Variants in CYP3A5 observed in about 807,000 individuals in gnomAD.
CYP3A5 encodes the protein cytochrome P450 3A5.
Under a neutral mutation model 55.9 loss-of-function variants are expected in CYP3A5, and 51 were observed. That is an observed-to-expected ratio of 0.91 (90% CI 0.73 to 1.15). The LOEUF is 1.15. Ranked by LOEUF, CYP3A5 falls within the 50% of genes most tolerant of loss-of-function variation. The probability of loss-of-function intolerance (pLI) is 0.00; values close to 1 mark genes in which losing one functional copy is unlikely to be tolerated. For synonymous variants in CYP3A5, 196 were observed against 213.9 expected (o/e 0.92, Z 0.73); for missense variants, 533 against 596.6 (o/e 0.89, Z 1.11).
chr7:99,659,855 G>GGCGTAGGACCCTCCGAGCCAT (rs1375193586), intron 10 of CYP3A5: 11 of 152,756 alleles, frequency 7.2e-5, no homozygotes, highest in African/African-American at 2.4e-4. Context: ...AGGCTCCATG[G>GGCGTAGGACCCTCCGAGCCAT]GCGTAGGACC....
rs112433593 is a variant in CYP3A5 at position 99,679,775 on chromosome 7, T to G, written c.71+51A>C. 58 of 1,575,828 alleles carry G rather than the reference T, an allele frequency of 3.7e-5. No individual in the cohort carries two copies. The African/African-American group carries it at 4.5e-4, about 12-fold the overall frequency. On this transcript the variant is annotated intron_variant, in intron 1 of 12. Transcript: ENST00000222982. The stretch of plus-strand genomic sequence containing the variant: ...ACAGATAAGGGAAAAGGGGCCCGAT[T>G]AGCACCCCAAGTCCAAGGAAACAAA...
rs1810516131 is a variant in CYP3A5 at position 99,662,168 on chromosome 7, C to T, written c.865+648G>A. Reference sequence around the variant, plus strand: ...GTCTGCTGAGTCCTGCTCTCTAGAACCAATTGTTAAATATTCAAAAATTTT... The same window carrying T: ...GTCTGCTGAGTCCTGCTCTCTAGAATCAATTGTTAAATATTCAAAAATTTT... On this transcript the variant is annotated intron_variant, in intron 9 of 12. Transcript: ENST00000222982. This position sits in a 1 kb window ranked among gnomAD's most constrained non-coding sequence, Gnocchi z 4.3. Among the ~76,000 whole-genome samples, 1 of 152,170 alleles carries T rather than the reference C, an allele frequency of 6.6e-6. No homozygotes were observed. Among genetic ancestry groups the T allele is most frequent in the African/African-American group, 2.4e-5 (1 of 41,424 alleles).
intron 10 of CYP3A5, chr7:99,659,314 G>A (rs1020702550): frequency 6.5e-6 from 1 of 152,942 alleles, no homozygotes; most frequent in Non-Finnish European, 1.5e-5. Flanking sequence ...CTCAGCTGCA[G>A]GTCTGTTGGA....
At chr7:99,668,152 A>C (rs1177704949) in intron 4 of CYP3A5, among the ~76,000 whole-genome samples, 1 of 152,254 alleles carries the variant, frequency 6.6e-6, no homozygotes, top group Non-Finnish European at 1.5e-5. Context: ...TCAATATCTG[A>C]AAATACAAGA....
rs769254078 is a variant in CYP3A5 at position 99,648,395 on chromosome 7, G to C, written c.1419C>G (p.Pro473=). Residue 473 remains proline (P), a synonymous_variant, in exon 13 of 13, where the codon CCC becomes CCG. Transcript: ENST00000222982. The part of the protein sequence containing the change: ...SFKPCKETQI[P]LKLDTQGLLQ... ...GAAGTCCTTGCGTGTCTAATTTCAA[G>C]GGGATCTACAATAGTTAAACAAGCA... 6.2e-7 allele frequency: 1 copy of C among 1,611,054 alleles called. No homozygotes were observed. The highest frequency in any genetic ancestry group is 1.1e-5 in the South Asian group (1 of 90,780).
At chr7:99,649,974 A>G in intron 12 of CYP3A5, 99 bp downstream of exon 12, 1 of 1,443,608 alleles carries the variant, frequency 6.9e-7, no homozygotes, top group Non-Finnish European at 9.5e-7. Flanking sequence ...TTTGGCCCAT[A>G]GAATGAATTA....
rs1416538444 is a variant in CYP3A5 at position 99,660,596 on chromosome 7, G to T, written c.929C>A (p.Thr310Asn). The change falls in exon 10 of 13, where the codon ACC becomes AAC. Residue 310 changes from threonine to asparagine, a missense_variant. Coordinates refer to ENST00000222982, the MANE Select transcript of CYP3A5 (RefSeq NM_000777.5). ...IIFIFAGYETTSSVLSFTLYE... is the reference protein window; with the variant it reads ...IIFIFAGYETNSSVLSFTLYE... ...TAAAGTGAAGGAAAGAACACTGCTG[G>T]TGGTTTCATAGCCAGCAAAAATGAA... 1.9e-6 allele frequency: 3 copies of T among 1,613,894 alleles called. No individual in the cohort carries two copies. Among genetic ancestry groups the T allele is most frequent in the Non-Finnish European group, 2.5e-6 (3 of 1,179,986 alleles).
chr7:99,652,910 G>T, intron 10 of CYP3A5, 131 bp from the exon 11 acceptor site: 1 of 695,852 alleles, frequency 1.4e-6, no homozygotes, highest in Non-Finnish European at 2.4e-6. Context: ...TAGTATTCGT[G>T]AAGTATTTTA....
chr7:99,666,436 C>T lies in CYP3A5; in HGVS notation c.521+165G>A, dbSNP rs556652009. Among the ~76,000 whole-genome samples, 32 of 152,256 alleles carry T rather than the reference C, an allele frequency of 2.1e-4. No homozygotes were observed. In the South Asian group the frequency reaches 4.2e-3, roughly 20 times the overall value. ...AGGCCCTTTTCCCTTGCTGACTTGC[C>T]GCCTCATGGGAGCCACTCCCTCTTA... On this transcript the variant is annotated intron_variant, in intron 6 of 12. Transcript: ENST00000222982.
intron 10 of CYP3A5, among the ~76,000 whole-genome samples, chr7:99,654,164 T>C (rs888591872): frequency 3.3e-5 from 5 of 152,290 alleles, no homozygotes; most frequent in Non-Finnish European, 7.4e-5. Flanking sequence ...CTATGCCATG[T>C]TGGTGTGCTG....
chr7:99,660,249 T>TTA, intron 10 of CYP3A5: 2 of 474,732 alleles, frequency 4.2e-6, no homozygotes, highest in Non-Finnish European at 5.4e-6. Context: ...TTTTTTTACT[T>TTA]AGCATTATTG....
chr7:99,650,201 A>T lies in CYP3A5; in HGVS notation c.1285T>A (p.Tyr429Asn). 6.2e-7 allele frequency: 1 copy of T among 1,614,072 alleles called. No individual in the cohort carries two copies. Among genetic ancestry groups the T allele is most frequent in the Non-Finnish European group, 8.5e-7 (1 of 1,179,946 alleles). ...FSKKKDSIDP[Y>N]IYTPFGTGPR... ...CCAGTTCCAAAGGGTGTGTATATGT[A>T]AGGATCTATGCTGTCCTTCTTCTTA... is the stretch of plus-strand genomic sequence containing the variant. Residue 429 changes from tyrosine to asparagine, a missense_variant, in exon 12 of 13, where the codon TAC becomes AAC. Physicochemically the swap from Tyr to Asn is moderately radical, Grantham distance 143 (BLOSUM62 -2). Transcript: ENST00000222982.
At chr7:99,651,766 C>T (rs1172212488) in intron 11 of CYP3A5, among the ~76,000 whole-genome samples, 2 of 152,220 alleles carry the variant, frequency 1.3e-5, no homozygotes, top group South Asian at 2.1e-4. Flanking sequence ...GCGAACTGTG[C>T]CTAAGGCCTG....
rs1162124168 is a variant in CYP3A5 at position 99,677,051 on chromosome 7, A to G, written c.72-843T>C. ...ACACTCATCTTTTTCAAGGTGGTCA[A>G]CCAGAAAGCAGTCAGTTCACTGCCT... is the stretch of plus-strand genomic sequence containing the variant. On this transcript the variant is annotated intron_variant, in intron 1 of 12. Transcript: ENST00000222982. 4.6e-5 allele frequency among the ~76,000 whole-genome samples: 7 copies of G among 152,196 alleles called. No homozygotes were observed. The South Asian group carries it at 1.2e-3, about 27-fold the overall frequency.
intron 12 of CYP3A5, among the ~76,000 whole-genome samples, chr7:99,648,640 T>C (rs1394817575): frequency 6.6e-6 from 1 of 151,470 alleles, no homozygotes; most frequent in Non-Finnish European, 1.5e-5. Flanking sequence ...GTGCCAGGCC[T>C]GAGACAAATT....
At chr7:99,648,821 A>T (rs1006652873) in intron 12 of CYP3A5, among the ~76,000 whole-genome samples, 1 of 152,206 alleles carries the variant, frequency 6.6e-6, no homozygotes, top group Non-Finnish European at 1.5e-5. Flanking sequence ...GCTGTTGTAC[A>T]GTTTAATTAT....
intron 1 of CYP3A5, among the ~76,000 whole-genome samples, chr7:99,677,730 C>A (rs1299709804): frequency 6.6e-6 from 1 of 152,226 alleles, no homozygotes; most frequent in Non-Finnish European, 1.5e-5. Context: ...GCACCACCTG[C>A]CAAAGCCAGG....
chr7:99,655,332 G>C, intron 10 of CYP3A5, among the ~76,000 whole-genome samples: 1 of 152,204 alleles, frequency 6.6e-6, no homozygotes, highest in Non-Finnish European at 1.5e-5. Flanking sequence ...TTATTAAATA[G>C]GGAATCCTTT....
chr7:99,662,747 A>G lies in CYP3A5; in HGVS notation c.865+69T>C. The G allele has an allele frequency of 7.0e-7, 1 of 1,420,222 alleles. No individual in the cohort carries two copies. The highest frequency in any genetic ancestry group is 1.7e-5 in the Admixed American group (1 of 57,208). 88.0% of individuals were successfully genotyped at this position (1,420,222 alleles called of 1,614,324 possible). On this transcript the variant is annotated intron_variant, in intron 9 of 12. Transcript: ENST00000222982. This position sits in a 1 kb window ranked among gnomAD's most constrained non-coding sequence, Gnocchi z 4.3. The stretch of plus-strand genomic sequence containing the variant: ...CTCATCTTCCTGGAATACTTCCTGC[A>G]CATTTTCAGAACAAGGCCCTCCCTC...
Sources: allele counts gnomAD v4.1 joint callset (sites outside exome capture counted in the v4.1 genomes callset), GRCh38; gene constraint gnomAD v4.1.1; non-coding constraint Gnocchi (gnomAD v3.1); transcripts MANE v1.5; gene names NCBI Gene and HGNC (gene_info 2026-07-23, HGNC 2026-07-21).